EYA2: variants seen among roughly 807,000 people sequenced by gnomAD.
EYA2 encodes the protein EYA transcriptional coactivator and phosphatase 2.
A neutral mutation model predicts 69.2 loss-of-function variants in EYA2; 31 were observed. The observed-to-expected ratio is 0.45, with a 90% CI of 0.34 to 0.60. The LOEUF (loss-of-function observed/expected upper bound fraction) is 0.60, where lower values mean the gene tolerates loss of function less well. EYA2 is among the 20% of genes least tolerant of loss of function. The probability of loss-of-function intolerance (pLI) is 0.02; values close to 1 mark genes in which losing one functional copy is unlikely to be tolerated. For synonymous variants in EYA2, 257 were observed against 279.4 expected (o/e 0.92, Z 0.80); for missense variants, 622 against 701.2 (o/e 0.89, Z 1.28).
intron 1 of EYA2, among the ~76,000 whole-genome samples, chr20:46,946,194 C>T (rs532885448): frequency 1.1e-3 from 173 of 152,284 alleles, no homozygotes; most frequent in African/African-American, 4.1e-3. Context: ...GACCCTCTGC[C>T]AAGACTGGCC....
At chr20:46,978,823 A>G (rs1980628629) in intron 1 of EYA2, among the ~76,000 whole-genome samples, 1 of 152,182 alleles carries the variant, frequency 6.6e-6, no homozygotes, top group Admixed American at 6.5e-5. Context: ...GATGGATTGG[A>G]CGTGAGCATT....
At chr20:47,178,483 A>G (rs1032608441) in intron 12 of EYA2, among the ~76,000 whole-genome samples, 3 of 96,678 alleles carry the variant, frequency 3.1e-5, no homozygotes, top group Non-Finnish European at 5.8e-5. Flanking sequence ...GTTTCAGGGA[A>G]CAAACGAGGC....
chr20:47,180,473 C>A (rs2034517238), intron 13 of EYA2, among the ~76,000 whole-genome samples: 1 of 152,202 alleles, frequency 6.6e-6, no homozygotes, highest in Non-Finnish European at 1.5e-5. Flanking sequence ...GGCATGCAGG[C>A]TCCAGCTTAC....
intron 1 of EYA2, among the ~76,000 whole-genome samples, chr20:46,896,266 C>T (rs533929525): frequency 2.0e-5 from 3 of 152,018 alleles, no homozygotes; most frequent in African/African-American, 7.3e-5. Context: ...TATTTCAAAC[C>T]GAATCTATTA....
intron 1 of EYA2, among the ~76,000 whole-genome samples, chr20:46,904,127 A>G (rs557992021): frequency 4.1e-4 from 63 of 152,324 alleles, no homozygotes; most frequent in Non-Finnish European, 7.9e-4. Flanking sequence ...ACGGACTGCC[A>G]TCTCCAGCAG....
At chr20:47,018,629 G>A (rs904040378) in intron 5 of EYA2, among the ~76,000 whole-genome samples, 1 of 152,204 alleles carries the variant, frequency 6.6e-6, no homozygotes, top group Non-Finnish European at 1.5e-5. Flanking sequence ...GAACGCAAGA[G>A]CAAAGGCCCC....
intron 5 of EYA2, among the ~76,000 whole-genome samples, chr20:47,060,254 G>A (rs187795625): frequency 9.2e-5 from 14 of 152,290 alleles, no homozygotes; most frequent in Admixed American, 2.6e-4. Flanking sequence ...CCCAAGGTTC[G>A]TTTGGCATCT....
intron 1 of EYA2, among the ~76,000 whole-genome samples, chr20:46,964,728 T>A (rs1241880662): frequency 6.6e-6 from 1 of 152,188 alleles, no homozygotes; most frequent in Non-Finnish European, 1.5e-5. Context: ...ATGAGGAAAC[T>A]GAGACCAAGA....
chr20:47,093,149 C>T (rs1458999371), intron 8 of EYA2, among the ~76,000 whole-genome samples: 3 of 152,148 alleles, frequency 2.0e-5, no homozygotes, highest in Non-Finnish European at 2.9e-5. Flanking sequence ...GTGTCCTGGC[C>T]GTGCCTTCAT....
chr20:47,118,723 T>C (rs563021214), intron 9 of EYA2, among the ~76,000 whole-genome samples: 9 of 152,164 alleles, frequency 5.9e-5, no homozygotes, highest in Non-Finnish European at 1.2e-4. Flanking sequence ...CTCGGCCGCT[T>C]TGAGAGAGAC....
intron 1 of EYA2, chr20:46,979,459 CAAAG>C (rs1441528594): frequency 7.2e-5 from 11 of 152,328 alleles, no homozygotes; most frequent in Admixed American, 2.6e-4. Flanking sequence ...AACAATGCAA[CAAAG>C]AAAGAATTTT....
chr20:46,938,206 C>G, intron 1 of EYA2, among the ~76,000 whole-genome samples: 1 of 152,174 alleles, frequency 6.6e-6, no homozygotes, highest in South Asian at 2.1e-4. Flanking sequence ...CAGTGAACAT[C>G]ATATATTTGT....
intron 12 of EYA2, among the ~76,000 whole-genome samples, chr20:47,173,135 T>G (rs529485386): frequency 2.0e-3 from 299 of 152,070 alleles, no homozygotes; most frequent in Non-Finnish European, 3.7e-3. Context: ...GGGGCGGAAT[T>G]CTCTTACCCA....
At chr20:47,073,204 C>T (rs1164248720) in intron 6 of EYA2, among the ~76,000 whole-genome samples, 2 of 152,244 alleles carry the variant, frequency 1.3e-5, no homozygotes, top group East Asian at 1.9e-4. Context: ...CCATGAGTTC[C>T]GTGCAGGGTT....
intron 1 of EYA2, among the ~76,000 whole-genome samples, chr20:46,924,192 T>G (rs1377873217): frequency 6.6e-6 from 1 of 152,202 alleles, no homozygotes; most frequent in Non-Finnish European, 1.5e-5. Context: ...AGTGAGTCAA[T>G]TCAAAGAAAA....
intron 9 of EYA2, among the ~76,000 whole-genome samples, chr20:47,101,919 A>G (rs989973049): frequency 1.3e-5 from 2 of 152,214 alleles, no homozygotes; most frequent in Admixed American, 6.5e-5. Context: ...TTCTCTCTGT[A>G]CTTCCCCAGC....
chr20:47,166,563 G>C (rs1480563331), intron 10 of EYA2, among the ~76,000 whole-genome samples: 5 of 151,984 alleles, frequency 3.3e-5, no homozygotes, highest in Non-Finnish European at 7.4e-5. Flanking sequence ...GTCAAGCTCA[G>C]AGTCCCACGT....
chr20:46,976,246 G>A (rs879938765), intron 1 of EYA2, among the ~76,000 whole-genome samples: 1 of 152,174 alleles, frequency 6.6e-6, no homozygotes, highest in Admixed American at 6.5e-5. Flanking sequence ...GTGCACACCT[G>A]TAGCCCTAGC....
At chr20:47,138,347 CA>C (rs1488139696) in intron 9 of EYA2, among the ~76,000 whole-genome samples, 1 of 152,088 alleles carries the variant, frequency 6.6e-6, no homozygotes, top group African/African-American at 2.4e-5. Flanking sequence ...AAGAATGCTC[CA>C]AGAGTAGGTG....
Sources: gnomAD v4.1 joint callset for allele counts (sites outside exome capture counted in the v4.1 genomes callset) on GRCh38, gnomAD v4.1.1 for gene constraint, MANE v1.5 for transcripts, NCBI Gene and HGNC (gene_info 2026-07-23, HGNC 2026-07-21) for gene names.